STARD13: variants seen among roughly 807,000 people sequenced by gnomAD.
The protein encoded by STARD13 is stAR-related lipid transfer protein 13.
Under a neutral mutation model 106.4 loss-of-function variants are expected in STARD13, and 62 were observed. The ratio of observed to expected loss-of-function variants is 0.58; its 90% confidence interval spans 0.48 to 0.72. The LOEUF is 0.72. Ranked by LOEUF, STARD13 falls within the 30% of genes least tolerant of loss-of-function variation. The pLI is 0.00. For synonymous variants in STARD13, 565 were observed against 553.0 expected (o/e 1.02, Z -0.31); for missense variants, 1,387 against 1,424.0 (o/e 0.97, Z 0.42).
the STARD13 span, among the ~76,000 whole-genome samples, chr13:33,480,288 A>G: frequency 6.6e-6 from 1 of 152,208 alleles, no homozygotes; most frequent in African/African-American, 2.4e-5. Context: ...CAGAACCATT[A>G]ATATCTTACA....
At chr13:33,300,016 T>G (rs1048116227) in intron 1 of STARD13, among the ~76,000 whole-genome samples, 1 of 152,234 alleles carries the variant, frequency 6.6e-6, no homozygotes, top group Non-Finnish European at 1.5e-5. Flanking sequence ...ACTCAAAATA[T>G]TTTTTAAATG....
the STARD13 span, among the ~76,000 whole-genome samples, chr13:33,381,869 C>T: frequency 6.6e-6 from 1 of 152,080 alleles, no homozygotes; most frequent in African/African-American, 2.4e-5. Context: ...ATAATTCATT[C>T]CTCGATATGG....
At chr13:33,569,903 T>C in the STARD13 span, among the ~76,000 whole-genome samples, 1 of 147,290 alleles carries the variant, frequency 6.8e-6, no homozygotes, top group South Asian at 2.2e-4. Flanking sequence ...TAATGGACTT[T>C]GGGGACTTGG....
intron 1 of STARD13, among the ~76,000 whole-genome samples, chr13:33,319,952 G>A (rs891836044): frequency 6.6e-6 from 1 of 152,174 alleles, no homozygotes; most frequent in Non-Finnish European, 1.5e-5. Context: ...CTTGCTAAAT[G>A]CCTGCTCTTA....
the STARD13 span, among the ~76,000 whole-genome samples, chr13:33,605,066 C>G: frequency 2.0e-5 from 3 of 151,486 alleles, no homozygotes; most frequent in Admixed American, 2.0e-4. Flanking sequence ...CAGTGAGACC[C>G]TATCTCTACC....
chr13:33,246,994 C>G (rs1367156249), intron 1 of STARD13, among the ~76,000 whole-genome samples: 1 of 151,900 alleles, frequency 6.6e-6, no homozygotes, highest in African/African-American at 2.4e-5. Context: ...GTCAGGAGTT[C>G]GAGACCAGCC....
the STARD13 span, among the ~76,000 whole-genome samples, chr13:33,623,277 T>A: frequency 6.6e-6 from 1 of 151,968 alleles, no homozygotes; most frequent in Admixed American, 6.6e-5. Context: ...GCACAAACAT[T>A]ATTTTGAGAC....
the STARD13 span, among the ~76,000 whole-genome samples, chr13:33,551,111 A>G: frequency 6.6e-6 from 1 of 152,226 alleles, no homozygotes; most frequent in Non-Finnish European, 1.5e-5. Context: ...CATAATGAGT[A>G]AGGCATGTAG....
chr13:33,391,288 A>G, the STARD13 span, among the ~76,000 whole-genome samples: 2 of 152,168 alleles, frequency 1.3e-5, no homozygotes, highest in Non-Finnish European at 2.9e-5. Context: ...AAATAAGCAG[A>G]TCATGTGGTA....
intron 1 of STARD13, among the ~76,000 whole-genome samples, chr13:33,249,509 C>T (rs779457115): frequency 2.0e-5 from 3 of 152,168 alleles, no homozygotes; most frequent in Non-Finnish European, 4.4e-5. Flanking sequence ...TTTCCTTAGC[C>T]ACCTACAATG....
the STARD13 span, among the ~76,000 whole-genome samples, chr13:33,498,965 C>T: frequency 6.6e-6 from 1 of 152,114 alleles, no homozygotes; most frequent in Non-Finnish European, 1.5e-5. Context: ...TGGTGAAACC[C>T]CGTCTCTACT....
intron 1 of STARD13, among the ~76,000 whole-genome samples, chr13:33,264,129 T>A (rs7332814): frequency 0.19 from 29,587 of 152,130 alleles, 3,255 homozygotes; most frequent in African/African-American, 0.27. Context: ...CCACTGCCAG[T>A]CATGCAAGTG....
At chr13:33,636,238 T>C in the STARD13 span, among the ~76,000 whole-genome samples, 1 of 151,788 alleles carries the variant, frequency 6.6e-6, no homozygotes, top group East Asian at 1.9e-4. Flanking sequence ...GTAAGACTGA[T>C]TGCGATGATT....
chr13:33,625,556 G>A, the STARD13 span, among the ~76,000 whole-genome samples: 2,043 of 150,372 alleles, frequency 0.014, 41 homozygotes, highest in African/African-American at 0.049. Flanking sequence ...GCGACAGAGC[G>A]AGACTGTCTC....
At chr13:33,378,797 C>CAAA in the STARD13 span, among the ~76,000 whole-genome samples, 1 of 104,670 alleles carries the variant, frequency 9.6e-6, no homozygotes, top group Admixed American at 9.8e-5. Context: ...CTCAAAAAAA[C>CAAA]AAAAAAAAAA....
At chr13:33,290,395 C>A (rs1379888949), upstream of STARD13, among the ~76,000 whole-genome samples, 1 of 152,224 alleles carries the variant, frequency 6.6e-6, no homozygotes, top group Non-Finnish European at 1.5e-5. Flanking sequence ...TGAGGATTTT[C>A]ACCGATTGAT....
the STARD13 span, among the ~76,000 whole-genome samples, chr13:33,421,792 T>C: frequency 3.3e-5 from 5 of 152,164 alleles, no homozygotes; most frequent in Non-Finnish European, 7.4e-5. Context: ...TGGTTCAACA[T>C]ATGCAAATCA....
chr13:33,141,855 G>A (rs1324220902), intron 4 of STARD13, among the ~76,000 whole-genome samples: 1 of 150,920 alleles, frequency 6.6e-6, no homozygotes, highest in Non-Finnish European at 1.5e-5. Context: ...AAAGCACCGA[G>A]ATATTTTACA....
intron 1 of STARD13, among the ~76,000 whole-genome samples, chr13:33,248,147 C>A (rs1889924019): frequency 6.6e-6 from 1 of 152,146 alleles, no homozygotes; most frequent in Admixed American, 6.5e-5. Context: ...TGCCTGTAAT[C>A]CTAGCACTTT....
Sources: gnomAD v4.1 joint callset for allele counts (sites outside exome capture counted in the v4.1 genomes callset) on GRCh38, gnomAD v4.1.1 for gene constraint, MANE v1.5 for transcripts, NCBI Gene and HGNC (gene_info 2026-07-23, HGNC 2026-07-21) for gene names.